The following NIBAN2 variants were observed in gnomAD, a reference collection of about 807,000 sequenced individuals.
NIBAN2 encodes niban apoptosis regulator 2, also known as protein Niban 2.
NIBAN2 carries 36 observed loss-of-function variants against 81.8 expected under a neutral mutation model. The observed-to-expected ratio is 0.44, with a 90% CI of 0.34 to 0.58. The LOEUF is 0.58. Among genes scored for constraint, NIBAN2 ranks in the 20% least tolerant of loss-of-function variants. The pLI, the probability that NIBAN2 is intolerant of heterozygous loss-of-function variation, is 0.02. For synonymous variants in NIBAN2, 445 were observed against 441.6 expected (o/e 1.01, Z -0.10); for missense variants, 897 against 1,014.1 (o/e 0.88, Z 1.57).
At chr9:127,574,414 G>A (rs1837984328) in intron 1 of NIBAN2, among the ~76,000 whole-genome samples, 1 of 152,170 alleles carries the variant, frequency 6.6e-6, no homozygotes, top group South Asian at 2.1e-4. Flanking sequence ...GGATCCAAGG[G>A]CGAAGAATAA....
rs1356645373 is a variant in NIBAN2 at position 127,558,319 on chromosome 9, G to C, written c.55+10501C>G. On this transcript the variant is annotated intron_variant, in intron 1 of 13. Coordinates refer to ENST00000373312, the MANE Select transcript of NIBAN2 (RefSeq NM_022833.4). ...TCCCTCACCATCCCTTGCCGTCTGG[G>C]GCCCTGCACGGGTGCGGGGGGTGGG... 2.0e-5 allele frequency among the ~76,000 whole-genome samples: 3 copies of C among 152,176 alleles called. No individual in the cohort carries two copies. In the East Asian group the frequency reaches 5.8e-4, roughly 29 times the overall value.
upstream of NIBAN2, among the ~76,000 whole-genome samples, chr9:127,571,428 T>A (rs1304755940): frequency 1.3e-5 from 2 of 152,076 alleles, no homozygotes; most frequent in Non-Finnish European, 2.9e-5. Flanking sequence ...CCGGGCGCAA[T>A]GGCTCACGCC....
intron 1 of NIBAN2, among the ~76,000 whole-genome samples, chr9:127,549,575 G>C (rs1837539256): frequency 6.6e-6 from 1 of 152,182 alleles, no homozygotes; most frequent in Non-Finnish European, 1.5e-5. Flanking sequence ...CTGGCTTGCA[G>C]GGTCCTCTCA....
chr9:127,525,175 A>G lies in NIBAN2; in HGVS notation c.316-12T>C. 2.5e-6 allele frequency: 4 copies of G among 1,607,808 alleles called. No individual in the cohort carries two copies. The highest frequency in any genetic ancestry group is 3.4e-6 in the Non-Finnish European group (4 of 1,174,412). ...TGCCGCTCATAGGCCTGAGGGAGGC[A>G]AGAGAGAGGGTCCCTGAGGGTTAAG... is the stretch of plus-strand genomic sequence containing the variant. On this transcript the variant is annotated splice_polypyrimidine_tract_variant and intron_variant, in intron 3 of 13. Coordinates refer to ENST00000373312, the MANE Select transcript of NIBAN2 (RefSeq NM_022833.4).
rs371201274 is a variant in NIBAN2 at position 127,517,811 on chromosome 9, C to T, written c.705+15G>A. On this transcript the variant is annotated intron_variant, in intron 6 of 13. Coordinates refer to ENST00000373312, the MANE Select transcript of NIBAN2 (RefSeq NM_022833.4). This position sits in a 1 kb window ranked among gnomAD's most constrained non-coding sequence, Gnocchi z 4.0. The stretch of plus-strand genomic sequence containing the variant: ...GTGACTTCTGAGGTTTCCTCACCAG[C>T]CCGTCTGGCCTCACCTGCACCTCGT... 6.2e-7 allele frequency: 1 copy of T among 1,602,876 alleles called. No individual in the cohort carries two copies. Among genetic ancestry groups the T allele is most frequent in the African/African-American group, 1.3e-5 (1 of 74,784 alleles).
chr9:127,549,076 T>G (rs1564314112), intron 1 of NIBAN2, among the ~76,000 whole-genome samples: 1 of 152,184 alleles, frequency 6.6e-6, no homozygotes, highest in Non-Finnish European at 1.5e-5. Context: ...CCTGTCACCC[T>G]GCCTGACTCC....
rs371961462 is a variant in NIBAN2, at chr9:127,568,646, C to A, written c.55+174G>T. Among the ~76,000 whole-genome samples, 24 of 152,184 alleles carry A rather than the reference C, an allele frequency of 1.6e-4. No individual in the cohort carries two copies. The South Asian group carries it at 5.0e-3, about 32-fold the overall frequency. ...GCTCAGAAGAGCGCGGGAAGGGGCG[C>A]CCAGGCTCAGAGGGAACGAGCTCGG... On this transcript the variant is annotated intron_variant, in intron 1 of 13. Coordinates refer to ENST00000373312, the MANE Select transcript of NIBAN2 (RefSeq NM_022833.4).
chr9:127,516,926 G>C lies in NIBAN2; in HGVS notation c.904C>G (p.Gln302Glu). ...TCCATGTCAGTTCGGATGACGGCCT[G>C]CATGGCCGGCTGCACCTGCTGCACC... is the stretch of plus-strand genomic sequence containing the variant. ...SKVQQVQPAM[Q>E]AVIRTDMDQI... Residue 302 changes from glutamine (Q) to glutamate (E), a missense_variant, in exon 8 of 14, where the codon CAG becomes GAG. Physicochemically the swap from Gln to Glu is conservative, Grantham distance 29. This residue lies in a region of NIBAN2 where 619 missense variants were observed against 691.0 expected (regional missense o/e 0.90). Coordinates refer to ENST00000373312, the MANE Select transcript of NIBAN2 (RefSeq NM_022833.4). 1 of 1,614,192 alleles carries C rather than the reference G, an allele frequency of 6.2e-7. No homozygotes were observed. Among genetic ancestry groups the C allele is most frequent in the Non-Finnish European group, 8.5e-7 (1 of 1,180,024 alleles).
chr9:127,506,995 G>A lies in NIBAN2; in HGVS notation c.2091C>T (p.Pro697=). 1 of 1,597,420 alleles carries A rather than the reference G, an allele frequency of 6.3e-7. No individual in the cohort carries two copies. Among genetic ancestry groups the A allele is most frequent in the Non-Finnish European group, 8.5e-7 (1 of 1,170,764 alleles). Residue 697 remains proline (P), a synonymous_variant, in exon 14 of 14, where the codon CCC becomes CCT. Transcript: ENST00000373312. ...APEASSPPAS[P]LQHLLPGKAV... Reference sequence around the variant, plus strand: ...CCTTTCCAGGCAGGAGATGCTGGAGGGGTGAGGCAGGCGGCGAGGAGGCCT... The same window carrying A: ...CCTTTCCAGGCAGGAGATGCTGGAGAGGTGAGGCAGGCGGCGAGGAGGCCT...
Position 127,508,031 on chromosome 9 carries a change from GC to G in NIBAN2, c.1543-54del. The stretch of plus-strand genomic sequence containing the variant: ...AGGTCAGGGCCAAGGGTAGAGGGAG[GC>G]CTGTGGGCTCCATCCCCCAACTTAG... On this transcript the variant is annotated intron_variant, in intron 12 of 13. Coordinates refer to ENST00000373312, the MANE Select transcript of NIBAN2 (RefSeq NM_022833.4). This position sits in a 1 kb window ranked among gnomAD's most constrained non-coding sequence, Gnocchi z 6.4. The G allele has an allele frequency of 6.2e-7, 1 of 1,605,630 alleles. No individual in the cohort carries two copies. The highest frequency in any genetic ancestry group is 8.5e-7 in the Non-Finnish European group (1 of 1,172,358).
intron 3 of NIBAN2, among the ~76,000 whole-genome samples, chr9:127,526,743 C>T (rs1159500129): frequency 6.6e-6 from 1 of 152,160 alleles, no homozygotes; most frequent in Non-Finnish European, 1.5e-5. Context: ...CCTTCTCGGA[C>T]ACCTACCCAC....
intron 8 of NIBAN2, among the ~76,000 whole-genome samples, chr9:127,512,790 A>G (rs1292077263): frequency 6.6e-6 from 1 of 152,174 alleles, no homozygotes; most frequent in Non-Finnish European, 1.5e-5. Flanking sequence ...AAATGAGTAC[A>G]ACCACTATGG....
At chr9:127,549,563 T>C (rs1375443677) in intron 1 of NIBAN2, among the ~76,000 whole-genome samples, 1 of 152,184 alleles carries the variant, frequency 6.6e-6, no homozygotes, top group Non-Finnish European at 1.5e-5. Context: ...TGCCTGCAGC[T>C]TCTGGCTTGC....
At chr9:127,551,738 GA>G (rs1186704893) in intron 1 of NIBAN2, among the ~76,000 whole-genome samples, 3 of 151,840 alleles carry the variant, frequency 2.0e-5, no homozygotes, top group Non-Finnish European at 2.9e-5. Flanking sequence ...AAGAAAGAAA[GA>G]AAAAGAAAAG....
At chr9:127,524,519 G>T (rs562178402) in intron 4 of NIBAN2, among the ~76,000 whole-genome samples, 1 of 152,184 alleles carries the variant, frequency 6.6e-6, no homozygotes, top group Non-Finnish European at 1.5e-5. Context: ...AGGGGAGGGG[G>T]GGTGACTCGC....
chr9:127,557,125 C>T (rs1049120207), intron 1 of NIBAN2, among the ~76,000 whole-genome samples: 58 of 152,128 alleles, frequency 3.8e-4, no homozygotes, highest in Admixed American at 3.3e-3. Context: ...CAGGTACACA[C>T]GGGTGGCCAA....
intron 1 of NIBAN2, among the ~76,000 whole-genome samples, chr9:127,564,916 C>G (rs573882572): frequency 2.0e-5 from 3 of 151,652 alleles, no homozygotes; most frequent in Admixed American, 2.0e-4. Flanking sequence ...TGAGCATGTA[C>G]AGAGAGAGGT....
chr9:127,575,978 G>A (rs1838004148), intron 1 of NIBAN2, among the ~76,000 whole-genome samples: 1 of 151,962 alleles, frequency 6.6e-6, no homozygotes, highest in African/African-American at 2.4e-5. Context: ...CCCCTCCCCA[G>A]TGTCCTAAAC....
intron 1 of NIBAN2, among the ~76,000 whole-genome samples, chr9:127,533,289 T>A (rs1837218319): frequency 6.6e-6 from 1 of 150,918 alleles, no homozygotes; most frequent in South Asian, 2.1e-4. Context: ...ACCCTGTATC[T>A]ACTAAAAAAT....
Sources: allele counts gnomAD v4.1 joint callset (sites outside exome capture counted in the v4.1 genomes callset), GRCh38; gene constraint gnomAD v4.1.1; regional missense constraint gnomAD v4.1.1; non-coding constraint Gnocchi (gnomAD v3.1); transcripts MANE v1.5; gene names NCBI Gene and HGNC (gene_info 2026-07-23, HGNC 2026-07-21).